The following MAP3K7 variants were observed in gnomAD, a reference collection of about 807,000 sequenced individuals.
MAP3K7 encodes the protein TGF-beta activated kinase 1.
In MAP3K7, 21 loss-of-function variants were observed where a neutral mutation model predicts 84.8. The observed-to-expected ratio is 0.25, with a 90% confidence interval of 0.18 to 0.36. The LOEUF (loss-of-function observed/expected upper bound fraction) is 0.36. Ranked by LOEUF, MAP3K7 falls within the 10% of genes least tolerant of loss-of-function variation. The pLI is 1.00. For synonymous variants in MAP3K7, 241 were observed against 247.7 expected (o/e 0.97, Z 0.25); for missense variants, 503 against 747.7 (o/e 0.67, Z 3.82).
At chr6:90,574,336 T>C (rs1777001958) in intron 1 of MAP3K7, among the ~76,000 whole-genome samples, 1 of 152,114 alleles carries the variant, frequency 6.6e-6, no homozygotes, top group Non-Finnish European at 1.5e-5. Flanking sequence ...CCTGAATCCC[T>C]GAACTCAAGT....
chr6:90,559,853 G>A (rs1776450976), intron 5 of MAP3K7, among the ~76,000 whole-genome samples: 1 of 152,048 alleles, frequency 6.6e-6, no homozygotes, highest in Non-Finnish European at 1.5e-5. Flanking sequence ...CTAAGGTAGA[G>A]GTTACCAAAA....
At chr6:90,519,895 C>T (rs1168490866) in intron 14 of MAP3K7, among the ~76,000 whole-genome samples, 1 of 151,950 alleles carries the variant, frequency 6.6e-6, no homozygotes, top group Non-Finnish European at 1.5e-5. Flanking sequence ...GAGTATATTA[C>T]AAATACGAAC....
intron 1 of MAP3K7, among the ~76,000 whole-genome samples, chr6:90,585,041 G>C (rs778114680): frequency 2.6e-5 from 4 of 152,132 alleles, no homozygotes; most frequent in African/African-American, 7.2e-5. Flanking sequence ...TCTGGAACTA[G>C]GTTTCCTAAT....
chr6:90,534,167 A>G (rs1319752470), intron 13 of MAP3K7, among the ~76,000 whole-genome samples: 1 of 152,198 alleles, frequency 6.6e-6, no homozygotes, highest in East Asian at 1.9e-4. Context: ...CCTCTGCAAG[A>G]TGGAATCACG....
chr6:90,550,607 A>AT, intron 8 of MAP3K7, 58 bp from the exon 9 acceptor site: 1 of 1,083,552 alleles, frequency 9.2e-7, no homozygotes, highest in Non-Finnish European at 1.4e-6. Flanking sequence ...TTAAATCCTG[A>AT]TTAATGTTTT....
intron 1 of MAP3K7, among the ~76,000 whole-genome samples, chr6:90,578,137 TA>T (rs1352005826): frequency 1.3e-5 from 2 of 152,226 alleles, no homozygotes; most frequent in Admixed American, 6.5e-5. Flanking sequence ...GTGGCAAGAT[TA>T]AATGCTTTTC....
At chr6:90,584,164 C>A (rs1409238303) in intron 1 of MAP3K7, among the ~76,000 whole-genome samples, 2 of 152,052 alleles carry the variant, frequency 1.3e-5, no homozygotes, top group Non-Finnish European at 2.9e-5. Context: ...ATATTGGAAG[C>A]AACATAAAAT....
chr6:90,561,718 G>A (rs71556366), intron 3 of MAP3K7, 51 bp from the exon 4 acceptor site: 46 of 1,261,292 alleles, frequency 3.6e-5, no homozygotes, highest in Admixed American at 1.9e-4. Context: ...CATCATCTTA[G>A]GGCCTTTGAG....
At chr6:90,564,802 T>C (rs1032849331) in intron 3 of MAP3K7, among the ~76,000 whole-genome samples, 9 of 152,280 alleles carry the variant, frequency 5.9e-5, no homozygotes, top group Admixed American at 3.9e-4. Context: ...TATTCCAAAA[T>C]TGACCACATA....
At chr6:90,579,691 C>T (rs1032940882) in intron 1 of MAP3K7, among the ~76,000 whole-genome samples, 1 of 152,144 alleles carries the variant, frequency 6.6e-6, no homozygotes, top group Admixed American at 6.5e-5. Flanking sequence ...TTAATTAAGT[C>T]AATTCTCACA....
intron 3 of MAP3K7, among the ~76,000 whole-genome samples, chr6:90,567,982 A>G (rs1406296668): frequency 6.6e-6 from 1 of 152,138 alleles, no homozygotes; most frequent in Non-Finnish European, 1.5e-5. Flanking sequence ...CAAACACCAC[A>G]TGTTCTCACT....
intron 12 of MAP3K7, among the ~76,000 whole-genome samples, chr6:90,539,400 T>C (rs1475389288): frequency 6.6e-6 from 1 of 151,996 alleles, no homozygotes; most frequent in African/African-American, 2.4e-5. Flanking sequence ...GAGGTGGCTA[T>C]ACACAGAAAC....
intron 1 of MAP3K7, among the ~76,000 whole-genome samples, chr6:90,586,099 C>T (rs282068): frequency 6.6e-6 from 1 of 151,882 alleles, no homozygotes; most frequent in African/African-American, 2.4e-5. Flanking sequence ...CCGGCCGGGC[C>T]CGGTGGCTCA....
chr6:90,578,323 A>C (rs1419892140), intron 1 of MAP3K7, among the ~76,000 whole-genome samples: 1 of 152,102 alleles, frequency 6.6e-6, no homozygotes, highest in Non-Finnish European at 1.5e-5. Context: ...CCCATGCTGG[A>C]GTGCAGTGGC....
At chr6:90,578,046 G>T (rs1777144723) in intron 1 of MAP3K7, among the ~76,000 whole-genome samples, 1 of 152,094 alleles carries the variant, frequency 6.6e-6, no homozygotes, top group Admixed American at 6.5e-5. Flanking sequence ...ACTGAATTTT[G>T]AAATAACCGA....
chr6:90,518,192 TA>T (rs1455703413), intron 16 of MAP3K7, among the ~76,000 whole-genome samples: 1 of 151,736 alleles, frequency 6.6e-6, no homozygotes, highest in African/African-American at 2.4e-5. Context: ...ATCTTTATAA[TA>T]ATAAGTCTAA....
chr6:90,583,847 T>C (rs986287292), intron 1 of MAP3K7, among the ~76,000 whole-genome samples: 1 of 152,172 alleles, frequency 6.6e-6, no homozygotes, highest in Non-Finnish European at 1.5e-5. Flanking sequence ...CAGTTCTAGA[T>C]GGTAAACACT....
Position 90,586,893 on chromosome 6 carries a change from C to G in MAP3K7, c.-10G>C. On this transcript the variant is annotated 5_prime_UTR_variant, in exon 1 of 17. Coordinates refer to ENST00000369329, the MANE Select transcript of MAP3K7 (RefSeq NM_145331.3). ...CAGAGGCTGTAGACATGATCCCTCG[C>G]GGCGCCCGGTGGGGCCGGGAACGGT... 6.2e-7 allele frequency: 1 copy of G among 1,600,914 alleles called. No homozygotes were observed.
Position 90,545,839 on chromosome 6 carries a change from G to T in MAP3K7, c.1211-1207C>A, listed in dbSNP as rs35772077. On this transcript the variant is annotated intron_variant, in intron 11 of 16. Transcript: ENST00000369329. ...GAGCTACGTGTAGCCATTCGACCAT[G>T]TTACTTTGACCAATGATGTGTGGAT... 4.7e-3 allele frequency among the ~76,000 whole-genome samples: 719 copies of T among 152,278 alleles called. 7 individuals carry two copies. Among genetic ancestry groups the T allele is most frequent in the African/African-American group, 0.016 (675 of 41,564 alleles).
Sources: gnomAD v4.1 joint callset for allele counts (sites outside exome capture counted in the v4.1 genomes callset) on GRCh38, gnomAD v4.1.1 for gene constraint, MANE v1.5 for transcripts, NCBI Gene and HGNC (gene_info 2026-07-23, HGNC 2026-07-21) for gene names.